ARMC6: variants seen among roughly 807,000 people sequenced by gnomAD.
ARMC6 encodes armadillo repeat-containing protein 6.
A neutral mutation model predicts 49.2 loss-of-function variants in ARMC6; 43 were observed. The ratio of observed to expected loss-of-function variants is 0.87; its 90% confidence interval spans 0.69 to 1.13. The LOEUF is 1.13. ARMC6 is among the 50% of genes most tolerant of loss of function. The pLI is 0.00. For missense variants in ARMC6, 627 were observed against 682.0 expected, an observed-to-expected ratio of 0.92 and a Z score of 0.90; for synonymous variants, 262 against 289.6, an observed-to-expected ratio of 0.90 and a Z score of 0.97.
At chr19:19,040,442 T>C (rs1271514783) in intron 2 of ARMC6, among the ~76,000 whole-genome samples, 1 of 152,044 alleles carries the variant, frequency 6.6e-6, no homozygotes, top group Non-Finnish European at 1.5e-5. Flanking sequence ...TTTAAAAAAA[T>C]TGTTACTAAT....
At chr19:19,034,736 G>A (rs762250670) in intron 2 of ARMC6, among the ~76,000 whole-genome samples, 49 of 148,946 alleles carry the variant, frequency 3.3e-4, no homozygotes, top group Admixed American at 5.3e-4. Context: ...CTACAGGTGC[G>A]CAACACCGCA....
intron 4 of ARMC6, among the ~76,000 whole-genome samples, chr19:19,046,927 GT>G (rs386388691): frequency 5.7e-5 from 6 of 104,374 alleles, no homozygotes; most frequent in Admixed American, 1.3e-4. Context: ...ATGCTCACCT[GT>G]TTTTTTTTTT....
At chr19:19,045,120 C>T (rs111620297) in intron 4 of ARMC6, among the ~76,000 whole-genome samples, 2,406 of 152,278 alleles carry the variant, frequency 0.016, 68 homozygotes, top group African/African-American at 0.055. Flanking sequence ...AAGTGATTCT[C>T]CTGCCTCAGC....
Position 19,054,173 on chromosome 19 carries a change from T to C in ARMC6, c.875T>C (p.Ile292Thr). 2 of 1,595,522 alleles carry C rather than the reference T, an allele frequency of 1.3e-6. No homozygotes were observed. Among genetic ancestry groups the C allele is most frequent in the Non-Finnish European group, 8.5e-7 (1 of 1,171,010 alleles). The change falls in exon 6 of 9, where the codon ATC becomes ACC. Residue 292 changes from isoleucine (I) to threonine (T), a missense_variant. Physicochemically the swap from Ile to Thr is moderately conservative, Grantham distance 89. Transcript: ENST00000535612. ...ATKAFLDNPG[I>T]LSELCGTLSR... Reference sequence around the variant, plus strand: ...GCAGCGTTCCTGGATAACCCTGGCATCCTGAGCGAGCTCTGTGGAACCCTG... The same window carrying C: ...GCAGCGTTCCTGGATAACCCTGGCACCCTGAGCGAGCTCTGTGGAACCCTG...
At chr19:19,036,940 T>C (rs141022156) in intron 2 of ARMC6, among the ~76,000 whole-genome samples, 3,560 of 151,882 alleles carry the variant, frequency 0.023, 135 homozygotes, top group African/African-American at 0.082. Flanking sequence ...AATCCCAGCA[T>C]GATGGGAGGC....
At chr19:19,047,618 T>C (rs2059461853) in intron 4 of ARMC6, among the ~76,000 whole-genome samples, 1 of 152,050 alleles carries the variant, frequency 6.6e-6, no homozygotes, top group South Asian at 2.1e-4. Flanking sequence ...CCACAGAAAA[T>C]TGTCATAGGT....
chr19:19,054,047 G>A, intron 5 of ARMC6, 105 bp from the exon 6 acceptor site: 1 of 1,236,520 alleles, frequency 8.1e-7, no homozygotes, highest in Non-Finnish European at 1.1e-6. Flanking sequence ...CACTCCAATA[G>A]GCAGAAGGGC....
chr19:19,038,569 CTTGT>C (rs905866627), intron 2 of ARMC6, among the ~76,000 whole-genome samples: 1 of 152,032 alleles, frequency 6.6e-6, no homozygotes, highest in Non-Finnish European at 1.5e-5. Flanking sequence ...CTGGGTTTTA[CTTGT>C]TTGTTTATTT....
chr19:19,054,172 A>T lies in ARMC6; in HGVS notation c.874A>T (p.Ile292Phe). The change falls in exon 6 of 9, where the codon ATC becomes TTC. Residue 292 changes from isoleucine to phenylalanine, a missense_variant. Coordinates refer to ENST00000535612, the MANE Select transcript of ARMC6 (RefSeq NM_001199196.2). ...ATKAFLDNPG[I>F]LSELCGTLSR... ...TGCAGCGTTCCTGGATAACCCTGGC[A>T]TCCTGAGCGAGCTCTGTGGAACCCT... 1 of 1,594,284 alleles carries T rather than the reference A, an allele frequency of 6.3e-7. No homozygotes were observed. The highest frequency in any genetic ancestry group is 8.5e-7 in the Non-Finnish European group (1 of 1,170,368).
chr19:19,054,857 G>A (rs1370979830), intron 6 of ARMC6, among the ~76,000 whole-genome samples: 2 of 152,178 alleles, frequency 1.3e-5, no homozygotes, highest in African/African-American at 4.8e-5. Context: ...GCAAATGAAG[G>A]GATACATTTT....
At chr19:19,052,225 G>A (rs759110670) in intron 5 of ARMC6, 30 bp downstream of exon 5, 29 of 1,546,802 alleles carry the variant, frequency 1.9e-5, no homozygotes, top group Admixed American at 9.2e-5. Context: ...ACGAGCCAGC[G>A]AACAAAGTGG....
intron 4 of ARMC6, among the ~76,000 whole-genome samples, chr19:19,050,547 T>C (rs963454344): frequency 6.6e-6 from 1 of 152,230 alleles, no homozygotes; most frequent in Admixed American, 6.5e-5. Flanking sequence ...TTTTTCCTAA[T>C]GATTAGTGAC....
chr19:19,046,144 C>T (rs2059448555), intron 4 of ARMC6, among the ~76,000 whole-genome samples: 1 of 152,108 alleles, frequency 6.6e-6, no homozygotes, highest in Non-Finnish European at 1.5e-5. Context: ...GTACAGGAAA[C>T]TCCGTGTTTG....
chr19:19,045,084 C>T (rs982997801), intron 4 of ARMC6, among the ~76,000 whole-genome samples: 2 of 151,564 alleles, frequency 1.3e-5, no homozygotes, highest in Non-Finnish European at 3.0e-5. Context: ...GATCTCAGCT[C>T]ACTGCAACTT....
chr19:19,046,880 C>T (rs1326379369), intron 4 of ARMC6, among the ~76,000 whole-genome samples: 1 of 150,616 alleles, frequency 6.6e-6, no homozygotes, highest in Non-Finnish European at 1.5e-5. Context: ...TCCCACTTTG[C>T]CCTGCCAACA....
intron 8 of ARMC6, among the ~76,000 whole-genome samples, chr19:19,056,919 C>T (rs1034186829): frequency 2.6e-5 from 4 of 152,240 alleles, no homozygotes; most frequent in African/African-American, 4.8e-5. Flanking sequence ...ACTCTGCATG[C>T]GCTTCCCACC....
chr19:19,045,351 A>G (rs916058895), intron 4 of ARMC6, among the ~76,000 whole-genome samples: 8 of 152,156 alleles, frequency 5.3e-5, no homozygotes, highest in African/African-American at 1.4e-4. Flanking sequence ...TCTTCTGGCT[A>G]TCTTTGCATT....
intron 3 of ARMC6, 113 bp downstream of exon 3, chr19:19,042,990 G>T: frequency 7.8e-7 from 1 of 1,279,914 alleles, no homozygotes; most frequent in South Asian, 1.4e-5. Flanking sequence ...TAGAAACCAG[G>T]TGCCATTGGG....
chr19:19,035,688 G>C (rs1406461697), intron 2 of ARMC6, among the ~76,000 whole-genome samples: 3 of 152,174 alleles, frequency 2.0e-5, no homozygotes, highest in Non-Finnish European at 2.9e-5. Flanking sequence ...GAGTGGCCAG[G>C]AAAGGCAGCC....
Sources: gnomAD v4.1 joint callset for allele counts (sites outside exome capture counted in the v4.1 genomes callset) on GRCh38, gnomAD v4.1.1 for gene constraint, MANE v1.5 for transcripts, NCBI Gene and HGNC (gene_info 2026-07-23, HGNC 2026-07-21) for gene names.